LHFPL6: variants seen among roughly 807,000 people sequenced by gnomAD.
LHFPL6 encodes LHFPL tetraspan subfamily member 6 protein.
In LHFPL6, 9 loss-of-function variants were observed where a neutral mutation model predicts 20.6. The observed-to-expected ratio is 0.44, with a 90% confidence interval of 0.26 to 0.76. The LOEUF (loss-of-function observed/expected upper bound fraction) is 0.76. Among genes scored for constraint, LHFPL6 ranks in the 30% least tolerant of loss-of-function variants. The pLI is 0.20. For synonymous variants in LHFPL6, 105 were observed against 98.7 expected (o/e 1.06, Z -0.38); for missense variants, 218 against 253.5 (o/e 0.86, Z 0.95).
intron 3 of LHFPL6, among the ~76,000 whole-genome samples, chr13:39,357,075 G>C (rs143880499): frequency 0.016 from 2,467 of 152,268 alleles, 31 homozygotes; most frequent in South Asian, 0.065. Context: ...GGGAGGCTGA[G>C]GTGACAGGAT....
chr13:39,507,706 A>T (rs8000438), intron 2 of LHFPL6, among the ~76,000 whole-genome samples: 149,940 of 152,194 alleles, frequency 0.99, 73,891 homozygotes, highest in East Asian at 1. Flanking sequence ...AGCAATCTGC[A>T]TATAGAAAAA....
chr13:39,404,464 A>G (rs1566103823), intron 2 of LHFPL6, among the ~76,000 whole-genome samples: 2 of 152,180 alleles, frequency 1.3e-5, no homozygotes, highest in Admixed American at 6.5e-5. Flanking sequence ...ACTCTGCTAC[A>G]TATTAGAATC....
chr13:39,523,580 C>T (rs1372426269), intron 2 of LHFPL6, among the ~76,000 whole-genome samples: 27 of 148,974 alleles, frequency 1.8e-4, no homozygotes, highest in African/African-American at 6.2e-4. Flanking sequence ...GTAGTGTAGG[C>T]TTAAGCCCAA....
intron 2 of LHFPL6, among the ~76,000 whole-genome samples, chr13:39,498,646 A>AT (rs1869178445): frequency 6.6e-6 from 1 of 152,224 alleles, no homozygotes. Flanking sequence ...TTAGGAAGAG[A>AT]TAAACAAGCC....
At chr13:39,597,723 T>C (rs1872811329) in intron 2 of LHFPL6, among the ~76,000 whole-genome samples, 1 of 152,248 alleles carries the variant, frequency 6.6e-6, no homozygotes, top group South Asian at 2.1e-4. Context: ...TGATAGTCAC[T>C]GACTCCTTGA....
intron 2 of LHFPL6, among the ~76,000 whole-genome samples, chr13:39,543,738 A>G (rs1042169475): frequency 2.0e-5 from 3 of 152,218 alleles, no homozygotes; most frequent in African/African-American, 7.2e-5. Flanking sequence ...TTACTATGAC[A>G]TAACTATGCC....
intron 2 of LHFPL6, among the ~76,000 whole-genome samples, chr13:39,432,148 G>A (rs1036301206): frequency 6.6e-6 from 1 of 152,088 alleles, no homozygotes; most frequent in Non-Finnish European, 1.5e-5. Flanking sequence ...ACCTGCCAGC[G>A]CCTTGATTTT....
At chr13:39,567,545 T>A (rs1398859558) in intron 2 of LHFPL6, among the ~76,000 whole-genome samples, 3 of 152,132 alleles carry the variant, frequency 2.0e-5, no homozygotes, top group Non-Finnish European at 2.9e-5. Context: ...GTGGGCCACA[T>A]AAGGTTTTCT....
In LHFPL6 at chr13:39,554,544, C is replaced by T. The variant is rs571095547; in HGVS notation, c.385+46288G>A. ...TCCCAATTTTTCCTTCTAGTTGTTT[C>T]GCCTGCATCCCTGCATACTTCTACA... On this transcript the variant is annotated intron_variant, in intron 2 of 3. Coordinates refer to ENST00000379589, the MANE Select transcript of LHFPL6 (RefSeq NM_005780.3). Among the ~76,000 whole-genome samples the T allele has an allele frequency of 7.9e-5, 12 of 152,284 alleles. 1 individual carries two copies. In the South Asian group the frequency reaches 2.3e-3, roughly 29 times the overall value.
rs2138347759 is a variant in LHFPL6 at position 39,364,470 on chromosome 13, G to A, written c.484+13958C>T. The stretch of plus-strand genomic sequence containing the variant: ...ACATGCCATGGAAAGGGTGGCAGAT[G>A]CTCTGCCTATTTAGCATTCCCCCAA... On this transcript the variant is annotated intron_variant, in intron 3 of 3. Coordinates refer to ENST00000379589, the MANE Select transcript of LHFPL6 (RefSeq NM_005780.3). Among the ~76,000 whole-genome samples the A allele has an allele frequency of 1.3e-5, 2 of 152,304 alleles. 1 individual carries two copies. The highest frequency in any genetic ancestry group is 6.8e-3 in the Middle Eastern group (2 of 294).
intron 2 of LHFPL6, among the ~76,000 whole-genome samples, chr13:39,584,593 A>C (rs1002232426): frequency 1.3e-4 from 20 of 151,706 alleles, no homozygotes; most frequent in African/African-American, 4.6e-4. Context: ...TACCAGGGTA[A>C]CTTCCTTTAA....
At chr13:39,553,492 C>T (rs910945313) in intron 2 of LHFPL6, among the ~76,000 whole-genome samples, 4 of 152,048 alleles carry the variant, frequency 2.6e-5, no homozygotes, top group African/African-American at 9.7e-5. Flanking sequence ...TATGAGGATC[C>T]CTTGAGCTCA....
At chr13:39,513,168 G>A (rs1364970241) in intron 2 of LHFPL6, among the ~76,000 whole-genome samples, 2 of 152,308 alleles carry the variant, frequency 1.3e-5, no homozygotes, top group South Asian at 2.1e-4. Flanking sequence ...TAAGTTACAT[G>A]GGATCATTTT....
At chr13:39,544,442 T>C (rs1870909035) in intron 2 of LHFPL6, among the ~76,000 whole-genome samples, 2 of 152,184 alleles carry the variant, frequency 1.3e-5, no homozygotes, top group South Asian at 4.1e-4. Context: ...ATCAAAAGGC[T>C]AATGAATAGA....
chr13:39,563,938 G>A (rs1871629761), intron 2 of LHFPL6, among the ~76,000 whole-genome samples: 1 of 152,164 alleles, frequency 6.6e-6, no homozygotes. Context: ...GGTTATGTGA[G>A]AGAATAGACA....
At chr13:39,515,741 G>A (rs535616186) in intron 2 of LHFPL6, among the ~76,000 whole-genome samples, 1 of 152,238 alleles carries the variant, frequency 6.6e-6, no homozygotes, top group Admixed American at 6.5e-5. Flanking sequence ...CCATACAGAT[G>A]TGTGCGTGAT....
intron 2 of LHFPL6, among the ~76,000 whole-genome samples, chr13:39,521,797 T>G (rs1024805584): frequency 6.6e-6 from 1 of 152,246 alleles, no homozygotes; most frequent in Non-Finnish European, 1.5e-5. Context: ...GATTACTTTT[T>G]GGCTTGCTTT....
intron 3 of LHFPL6, among the ~76,000 whole-genome samples, chr13:39,375,910 T>A (rs953612225): frequency 6.6e-6 from 1 of 151,996 alleles, no homozygotes; most frequent in African/African-American, 2.4e-5. Flanking sequence ...TTAACCAATC[T>A]AAGGAAATTT....
chr13:39,400,781 T>TC (rs1870968356), intron 2 of LHFPL6, among the ~76,000 whole-genome samples: 1 of 1,210 alleles, frequency 8.3e-4, no homozygotes, highest in East Asian at 0.033. Context: ...AGACTCCGTC[T>TC]CAAAAAAAAA....
Sources: gnomAD v4.1 joint callset for allele counts (sites outside exome capture counted in the v4.1 genomes callset) on GRCh38, gnomAD v4.1.1 for gene constraint, MANE v1.5 for transcripts, NCBI Gene and HGNC (gene_info 2026-07-23, HGNC 2026-07-21) for gene names.